Variants in DDX60 observed in about 807,000 individuals in gnomAD.
The protein encoded by DDX60 is DExD/H-box helicase 60.
A neutral mutation model predicts 212.8 loss-of-function variants in DDX60; 165 were observed. The observed-to-expected ratio is 0.78, with a 90% CI of 0.68 to 0.88. The LOEUF is 0.88. DDX60 is among the 40% of genes least tolerant of loss of function. DDX60 has a pLI of 0.00. For missense variants in DDX60, 1,905 were observed against 2,003.9 expected (o/e 0.95, Z 0.94); for synonymous variants, 703 against 685.3 (o/e 1.03, Z -0.40).
At chr4:168,321,735 C>G (rs1028220297), upstream of DDX60, among the ~76,000 whole-genome samples, 2 of 152,260 alleles carry the variant, frequency 1.3e-5, no homozygotes, top group South Asian at 2.1e-4. Flanking sequence ...TTGGATCTCC[C>G]CTCAAGCATC....
chr4:168,240,718 A>G (rs1733807873), intron 30 of DDX60, among the ~76,000 whole-genome samples: 1 of 152,178 alleles, frequency 6.6e-6, no homozygotes, highest in Non-Finnish European at 1.5e-5. Context: ...ATAAATGGTA[A>G]TAGAAGACCT....
chr4:168,258,079 A>C (rs58552303), intron 25 of DDX60, among the ~76,000 whole-genome samples: 59,261 of 152,046 alleles, frequency 0.39, 11,992 homozygotes, highest in African/African-American at 0.5. Flanking sequence ...AGCATGAACA[A>C]CCCGCCTTCA....
At chr4:168,219,868 C>T (rs953347386) in intron 37 of DDX60, among the ~76,000 whole-genome samples, 3 of 151,902 alleles carry the variant, frequency 2.0e-5, no homozygotes, top group Non-Finnish European at 4.4e-5. Context: ...GAAACCCCCT[C>T]GCTACTAAAA....
Position 168,307,278 on chromosome 4 carries a change from C to A in DDX60, c.265-558G>T, listed in dbSNP as rs114681157. On this transcript the variant is annotated intron_variant, in intron 4 of 37. Coordinates refer to ENST00000393743, the MANE Select transcript of DDX60 (RefSeq NM_017631.6). Reference sequence around the variant, plus strand: ...TGAGACTGCAAAATGACTGAAAAGACTCACACCAAAGCTCTTTACCTTTAG... The same window carrying A: ...TGAGACTGCAAAATGACTGAAAAGAATCACACCAAAGCTCTTTACCTTTAG... Among the ~76,000 whole-genome samples, 1,389 of 152,268 alleles carry A rather than the reference C, an allele frequency of 9.1e-3. 17 individuals are homozygous for A. Among genetic ancestry groups the A allele is most frequent in the African/African-American group, 0.029 (1,223 of 41,544 alleles).
chr4:168,312,727 C>CAGATAGATAGATAGATAGAGAGAT (rs1553975474), intron 1 of DDX60, among the ~76,000 whole-genome samples: 4,594 of 150,028 alleles, frequency 0.031, 82 homozygotes, highest in Non-Finnish European at 0.046. Context: ...GATGGATACA[C>CAGATAGATAGATAGATAGAGAGAT]AGATAGATAG....
upstream of DDX60, among the ~76,000 whole-genome samples, chr4:168,321,020 G>A (rs1737600898): frequency 6.6e-6 from 1 of 152,092 alleles, no homozygotes; most frequent in African/African-American, 2.4e-5. Flanking sequence ...AATATATGAT[G>A]TTCTACAGTT....
chr4:168,229,018 A>T (rs72693108), intron 33 of DDX60, among the ~76,000 whole-genome samples: 5,456 of 152,252 alleles, frequency 0.036, 137 homozygotes, highest in Non-Finnish European at 0.054. Context: ...GGCAGACAAG[A>T]GGCAGAACTA....
chr4:168,246,889 T>A (rs139236326), intron 29 of DDX60, among the ~76,000 whole-genome samples: 6 of 152,292 alleles, frequency 3.9e-5, no homozygotes, highest in African/African-American at 1.2e-4. Flanking sequence ...AAAGAAATAA[T>A]GATCTATTGA....
Position 168,217,035 on chromosome 4 carries a change from G to C in DDX60, c.5040-3C>G. 1 of 1,589,222 alleles carries C rather than the reference G, an allele frequency of 6.3e-7. No individual in the cohort carries two copies. The highest frequency in any genetic ancestry group is 8.6e-7 in the Non-Finnish European group (1 of 1,165,760). ...CACATAGCTCACGCAAGGAAACACT[G>C]GAAATGGGGAAAAAAATATAGGATC... On this transcript the variant is annotated splice_region_variant and splice_polypyrimidine_tract_variant and intron_variant, in intron 37 of 37. Coordinates refer to ENST00000393743, the MANE Select transcript of DDX60 (RefSeq NM_017631.6).
chr4:168,303,322 C>A (rs892820588), intron 5 of DDX60, among the ~76,000 whole-genome samples: 2 of 150,758 alleles, frequency 1.3e-5, no homozygotes, highest in African/African-American at 2.5e-5. Context: ...AAAAAATACT[C>A]TTAAGGAAAG....
intron 29 of DDX60, among the ~76,000 whole-genome samples, chr4:168,247,495 G>A (rs1460081877): frequency 6.6e-6 from 1 of 152,180 alleles, no homozygotes; most frequent in Admixed American, 6.5e-5. Context: ...GGAGGGAAGC[G>A]CGTTGATAAA....
At chr4:168,247,247 A>G (rs1185390720) in intron 29 of DDX60, among the ~76,000 whole-genome samples, 1 of 152,232 alleles carries the variant, frequency 6.6e-6, no homozygotes, top group Non-Finnish European at 1.5e-5. Context: ...TGGAAGATCT[A>G]GAACTCAAAC....
rs372638812 is a variant in DDX60, at chr4:168,294,212, A to G, written c.724-267T>C. Among the ~76,000 whole-genome samples, 27 of 152,304 alleles carry G rather than the reference A, an allele frequency of 1.8e-4. No homozygotes were observed. The East Asian group carries it at 3.9e-3, about 22-fold the overall frequency. On this transcript the variant is annotated intron_variant, in intron 6 of 37. Transcript: ENST00000393743. ...AAAAGAGCTCACTGTATAACAAGAG[A>G]AACAATGAAATGAAATTAGATCCTC...
At position 168,271,930 on chromosome 4, in the gene DDX60, C is replaced by T. The variant is rs940386480; in HGVS notation, c.2670+113G>A. ...ATCACTCAGGAAAAAAAAACGGAGG[C>T]CTTCTCAATCTGAACTCCATCCAAG... On this transcript the variant is annotated intron_variant, in intron 19 of 37. Coordinates refer to ENST00000393743, the MANE Select transcript of DDX60 (RefSeq NM_017631.6). The T allele has an allele frequency of 2.4e-5, 19 of 800,158 alleles. No homozygotes were observed. The Admixed American group carries it at 2.9e-4, about 12-fold the overall frequency. The allele number at this position is 800,158 out of a possible 1,614,324, so 49.6% of individuals were successfully genotyped here. A position where few individuals can be genotyped will look rare whatever the true frequency, so the allele number is the denominator to read the frequency against.
intron 28 of DDX60, among the ~76,000 whole-genome samples, chr4:168,249,325 T>G (rs1187996738): frequency 1.3e-5 from 2 of 152,216 alleles, no homozygotes; most frequent in Non-Finnish European, 2.9e-5. Flanking sequence ...TTTCTAATCA[T>G]CTTCTCTTTC....
At chr4:168,308,610 T>G (rs1394885617) in intron 3 of DDX60, among the ~76,000 whole-genome samples, 2 of 151,100 alleles carry the variant, frequency 1.3e-5, no homozygotes, top group Non-Finnish European at 3.0e-5. Flanking sequence ...AAAAGTGCTG[T>G]GTTGAACAAT....
At chr4:168,311,760 G>C (rs1429175405) in intron 1 of DDX60, among the ~76,000 whole-genome samples, 1 of 152,122 alleles carries the variant, frequency 6.6e-6, no homozygotes, top group Non-Finnish European at 1.5e-5. Context: ...GGCTGGAGTG[G>C]AGACCATCAA....
Position 168,290,440 on chromosome 4 carries a change from C to T in DDX60, c.1041+1308G>A, listed in dbSNP as rs1022625529. Among the ~76,000 whole-genome samples, 8 of 151,600 alleles carry T rather than the reference C, an allele frequency of 5.3e-5. No individual in the cohort carries two copies. In the East Asian group the frequency reaches 5.8e-4, roughly 11 times the overall value. On this transcript the variant is annotated intron_variant, in intron 8 of 37. Transcript: ENST00000393743. ...GCCTCCTGGGTTCACACCATTCTCCCGCCGCAGCCTCCCGAGCAGCTGGGA... is the reference window on the plus strand; with the variant it reads ...GCCTCCTGGGTTCACACCATTCTCCTGCCGCAGCCTCCCGAGCAGCTGGGA...
rs548545308 is a variant in DDX60, at chr4:168,267,651, T to C, written c.2970A>G (p.Val990=). The stretch of plus-strand genomic sequence containing the variant: ...GAATGTCACCATGTTTTATTGAACA[T>C]ACATGCTTCTCTAGATCATTATACC... ...GERYNDLEKH[V]CSIKHGDIHF... is the part of the protein sequence containing the mutation. The change falls in exon 22 of 38, where the codon GTA becomes GTG. Residue 990 remains valine (V), a synonymous_variant. Coordinates refer to ENST00000393743, the MANE Select transcript of DDX60 (RefSeq NM_017631.6). 1.9e-6 allele frequency: 3 copies of C among 1,604,734 alleles called. No homozygotes were observed. Among genetic ancestry groups the C allele is most frequent in the African/African-American group, 1.3e-5 (1 of 74,858 alleles).
Sources: allele counts gnomAD v4.1 joint callset (sites outside exome capture counted in the v4.1 genomes callset), GRCh38; gene constraint gnomAD v4.1.1; transcripts MANE v1.5; gene names NCBI Gene and HGNC (gene_info 2026-07-23, HGNC 2026-07-21).